Variants in TNRC6B observed in about 807,000 individuals in gnomAD.
TNRC6B encodes the protein trinucleotide repeat-containing gene 6B protein.
A neutral mutation model predicts 203.6 loss-of-function variants in TNRC6B; 52 were observed. That is an observed-to-expected ratio of 0.26 (90% confidence interval 0.20 to 0.32). TNRC6B has a LOEUF of 0.32. Among genes scored for constraint, TNRC6B ranks in the 10% least tolerant of loss-of-function variants. The pLI is 1.00. For synonymous variants in TNRC6B, 838 were observed against 845.7 expected, an observed-to-expected ratio of 0.99 and a Z score of 0.16; for missense variants, 1,923 against 2,286.2, an observed-to-expected ratio of 0.84 and a Z score of 3.24.
At chr22:40,124,870 G>A (rs1048436919) in intron 2 of TNRC6B, among the ~76,000 whole-genome samples, 4 of 151,890 alleles carry the variant, frequency 2.6e-5, no homozygotes, top group East Asian at 1.9e-4. Context: ...AAAATCGGCC[G>A]GGTGTGGTGG....
At chr22:40,308,041 C>A (rs2071114873) in intron 15 of TNRC6B, among the ~76,000 whole-genome samples, 1 of 152,198 alleles carries the variant, frequency 6.6e-6, no homozygotes, top group African/African-American at 2.4e-5. Flanking sequence ...TATCAAGAGT[C>A]AGAGCTCTGT....
chr22:40,267,649 G>T (rs148124917), intron 5 of TNRC6B, among the ~76,000 whole-genome samples: 1 of 152,310 alleles, frequency 6.6e-6, no homozygotes, highest in East Asian at 1.9e-4. Context: ...AGGATCCCTT[G>T]AGCCCAGGAG....
chr22:40,159,088 G>C (rs2068847364), intron 4 of TNRC6B, among the ~76,000 whole-genome samples: 1 of 151,146 alleles, frequency 6.6e-6, no homozygotes, highest in Non-Finnish European at 1.5e-5. Context: ...TCAGCCTCCC[G>C]AGTAGCTGGG....
chr22:40,253,973 G>A (rs778881387), intron 3 of TNRC6B, among the ~76,000 whole-genome samples: 1 of 152,154 alleles, frequency 6.6e-6, no homozygotes, highest in Non-Finnish European at 1.5e-5. Flanking sequence ...TTGGTGCCAA[G>A]TCTCTGGTTG....
chr22:40,260,634 A>T (rs961973119), intron 3 of TNRC6B, among the ~76,000 whole-genome samples: 6 of 152,310 alleles, frequency 3.9e-5, no homozygotes, highest in African/African-American at 1.4e-4. Context: ...TCAGGGGTAG[A>T]TCTTTTAAGA....
chr22:40,173,516 C>T (rs762146079), upstream of TNRC6B, among the ~76,000 whole-genome samples: 13 of 149,852 alleles, frequency 8.7e-5, no homozygotes, highest in African/African-American at 2.2e-4. Context: ...AGTACAGTGG[C>T]GTGATCTCAG....
At chr22:40,211,275 T>C (rs1411336650) in intron 1 of TNRC6B, among the ~76,000 whole-genome samples, 1 of 152,200 alleles carries the variant, frequency 6.6e-6, no homozygotes, top group Non-Finnish European at 1.5e-5. Context: ...AAAGGAGGTC[T>C]TGCCATGTTG....
chr22:40,083,072 A>G (rs1419843228), intron 1 of TNRC6B, among the ~76,000 whole-genome samples: 2 of 152,196 alleles, frequency 1.3e-5, no homozygotes, highest in Non-Finnish European at 2.9e-5. Context: ...AATGGAGAAT[A>G]TTGTTTAAGG....
At position 40,328,219 on chromosome 22, in the gene TNRC6B, T is replaced by TC. The variant is rs2071426181; in HGVS notation, c.*4984dup. ...TCCAAACCAAATTATTTAATCAGTG[T>TC]CCCCCCAATAAATCACTTATCCATT... On this transcript the variant is annotated 3_prime_UTR_variant, in exon 23 of 23. Transcript: ENST00000454349. 6.6e-6 allele frequency: 1 copy of TC among 152,194 alleles called. No homozygotes were observed. The highest frequency in any genetic ancestry group is 1.5e-5 in the Non-Finnish European group (1 of 68,014). 9.4% of individuals were successfully genotyped at this position (152,194 alleles called of 1,614,324 possible).
chr22:40,195,808 C>T (rs530659876), intron 1 of TNRC6B, among the ~76,000 whole-genome samples: 4 of 152,256 alleles, frequency 2.6e-5, no homozygotes, highest in East Asian at 1.9e-4. Flanking sequence ...CTCGCTCTGT[C>T]GCCCAGGCTG....
At chr22:40,123,084 A>G (rs988166638) in intron 2 of TNRC6B, among the ~76,000 whole-genome samples, 5 of 152,068 alleles carry the variant, frequency 3.3e-5, no homozygotes, top group African/African-American at 1.2e-4. Context: ...CCCTATTTCC[A>G]TTCTAACATG....
chr22:40,303,801 C>T (rs2071055996), intron 15 of TNRC6B, among the ~76,000 whole-genome samples: 1 of 152,130 alleles, frequency 6.6e-6, no homozygotes, highest in Admixed American at 6.5e-5. Flanking sequence ...ATCCCAGTTA[C>T]TGGAGTGGCT....
At chr22:40,098,115 GTGGCTCATGCCTGTAATCCCAGCACT>G (rs1360803606) in intron 1 of TNRC6B, among the ~76,000 whole-genome samples, 4 of 152,140 alleles carry the variant, frequency 2.6e-5, no homozygotes, top group Non-Finnish European at 5.9e-5. Context: ...GCTGGGCATG[GTGGCTCATGCCTGTAATCCCAGCACT>G]TTGGGAGGCT....
At chr22:40,204,816 A>G (rs1333681374) in intron 1 of TNRC6B, among the ~76,000 whole-genome samples, 2 of 152,260 alleles carry the variant, frequency 1.3e-5, no homozygotes, top group East Asian at 1.9e-4. Flanking sequence ...TAAGTTGCCA[A>G]TTACTTGGTT....
At chr22:40,297,360 A>G (rs2070958538) in intron 12 of TNRC6B, among the ~76,000 whole-genome samples, 1 of 152,336 alleles carries the variant, frequency 6.6e-6, no homozygotes, top group South Asian at 2.1e-4. Flanking sequence ...GGATGGGGGA[A>G]CACAAACTGG....
intron 1 of TNRC6B, among the ~76,000 whole-genome samples, chr22:40,089,898 G>A (rs955578890): frequency 1.3e-5 from 2 of 152,072 alleles, no homozygotes; most frequent in Non-Finnish European, 2.9e-5. Flanking sequence ...TACTGTCTCC[G>A]TAGATTTTTC....
intron 1 of TNRC6B, among the ~76,000 whole-genome samples, chr22:40,243,758 TGTTTTTAGTAGAGATGGG>T (rs2070064829): frequency 6.6e-6 from 1 of 152,074 alleles, no homozygotes; most frequent in Admixed American, 6.5e-5. Flanking sequence ...CTAATTTGTG[TGTTTTTAGTAGAGATGGG>T]GTTTCACCAT....
chr22:40,196,253 A>G (rs1227231309), intron 1 of TNRC6B, among the ~76,000 whole-genome samples: 1 of 150,538 alleles, frequency 6.6e-6, no homozygotes, highest in African/African-American at 2.4e-5. Flanking sequence ...GGGCTCAAGC[A>G]GTCCTTCCAT....
chr22:40,198,046 T>C lies in TNRC6B; in HGVS notation c.5+19906T>C, dbSNP rs1037948589. On this transcript the variant is annotated intron_variant, in intron 1 of 22. Coordinates refer to ENST00000454349, the MANE Select transcript of TNRC6B (RefSeq NM_001162501.2). ...ACATTTTTAAAGGATCTAAACTGTA[T>C]TGAGTTTAAGTTGTAATTCTTAAAG... is the stretch of plus-strand genomic sequence containing the variant. 6.6e-5 allele frequency among the ~76,000 whole-genome samples: 10 copies of C among 152,152 alleles called. No individual in the cohort carries two copies. In the South Asian group the frequency reaches 1.9e-3, roughly 28 times the overall value.
Sources: allele counts gnomAD v4.1 joint callset (sites outside exome capture counted in the v4.1 genomes callset), GRCh38; gene constraint gnomAD v4.1.1; transcripts MANE v1.5; gene names NCBI Gene and HGNC (gene_info 2026-07-23, HGNC 2026-07-21).